FRMD5: variants seen among roughly 807,000 people sequenced by gnomAD.
FRMD5 encodes FERM domain containing 5.
In FRMD5, 20 loss-of-function variants were observed where a neutral mutation model predicts 69.0. The ratio of observed to expected loss-of-function variants is 0.29; its 90% confidence interval spans 0.20 to 0.42. The LOEUF is 0.42. Among genes scored for constraint, FRMD5 ranks in the 10% least tolerant of loss-of-function variants. The pLI, the probability that FRMD5 is intolerant of heterozygous loss-of-function variation, is 1.00. For missense variants in FRMD5, 595 were observed against 708.6 expected, an observed-to-expected ratio of 0.84 and a Z score of 1.82; for synonymous variants, 271 against 260.1, an observed-to-expected ratio of 1.04 and a Z score of -0.40.
chr15:43,883,672 C>G, intron 13 of FRMD5, 31 bp downstream of exon 13: 2 of 1,506,176 alleles, frequency 1.3e-6, no homozygotes, highest in Non-Finnish European at 1.8e-6. Flanking sequence ...TTGGAGGACC[C>G]CAGTGGTCAC....
chr15:43,968,333 C>T (rs994260105), intron 1 of FRMD5, among the ~76,000 whole-genome samples: 5 of 152,152 alleles, frequency 3.3e-5, no homozygotes, highest in African/African-American at 4.8e-5. Flanking sequence ...TGGAGTATTT[C>T]CTATCTTTAG....
chr15:44,064,705 A>C (rs1204022941), intron 1 of FRMD5, among the ~76,000 whole-genome samples: 1 of 152,366 alleles, frequency 6.6e-6, no homozygotes, highest in East Asian at 1.9e-4. Flanking sequence ...CTGTAGTCTT[A>C]TATTACCTCC....
At chr15:44,026,728 G>A (rs1891444590) in intron 1 of FRMD5, among the ~76,000 whole-genome samples, 1 of 152,192 alleles carries the variant, frequency 6.6e-6, no homozygotes, top group African/African-American at 2.4e-5. Context: ...AAATATATCA[G>A]CAGGGAAATT....
At chr15:43,928,860 G>A (rs1439441126) in intron 1 of FRMD5, among the ~76,000 whole-genome samples, 4 of 152,196 alleles carry the variant, frequency 2.6e-5, no homozygotes, top group Non-Finnish European at 5.9e-5. Context: ...CCAAGCCTGA[G>A]GACATTTATC....
chr15:44,091,444 A>G (rs532770421), intron 1 of FRMD5, among the ~76,000 whole-genome samples: 5 of 152,302 alleles, frequency 3.3e-5, no homozygotes, highest in Admixed American at 2.6e-4. Context: ...CATAACTTAT[A>G]AGTCTCCTTA....
intron 1 of FRMD5, among the ~76,000 whole-genome samples, chr15:43,938,633 TG>T (rs1462954603): frequency 6.6e-6 from 1 of 152,198 alleles, no homozygotes; most frequent in Admixed American, 6.5e-5. Flanking sequence ...TCCTTAGACC[TG>T]GGCACTATTG....
chr15:44,062,456 C>G (rs536530671), intron 1 of FRMD5, among the ~76,000 whole-genome samples: 5 of 152,148 alleles, frequency 3.3e-5, no homozygotes, highest in Admixed American at 3.3e-4. Context: ...TTTAGGAGAC[C>G]AAGGCAGGCG....
At chr15:43,905,495 T>A (rs1595502691) in intron 6 of FRMD5, among the ~76,000 whole-genome samples, 1 of 152,316 alleles carries the variant, frequency 6.6e-6, no homozygotes, top group Admixed American at 6.5e-5. Flanking sequence ...TTTCCCCAGT[T>A]CATGCTTTCC....
chr15:43,969,343 A>G lies in FRMD5; in HGVS notation c.103-45034T>C, dbSNP rs575295780. ...GCGATCCTCCCACCTCAGCCTCCCA[A>G]AGTTTTGCTGGGATTACAGGCATGA... On this transcript the variant is annotated intron_variant, in intron 1 of 13. Transcript: ENST00000417257. 3.9e-5 allele frequency among the ~76,000 whole-genome samples: 6 copies of G among 152,182 alleles called. No homozygotes were observed. In the East Asian group the frequency reaches 1.2e-3, roughly 29 times the overall value.
At chr15:44,169,795 CT>C (rs1227912454) in intron 1 of FRMD5, among the ~76,000 whole-genome samples, 3 of 152,044 alleles carry the variant, frequency 2.0e-5, no homozygotes, top group Non-Finnish European at 4.4e-5. Context: ...CCTGAATATA[CT>C]TTTTAAAAAT....
At chr15:43,939,541 TATTA>T (rs1283058944) in intron 1 of FRMD5, among the ~76,000 whole-genome samples, 1 of 151,514 alleles carries the variant, frequency 6.6e-6, no homozygotes, top group Non-Finnish European at 1.5e-5. Context: ...TGCTCTTTTT[TATTA>T]ATTAATGTAT....
At position 44,000,744 on chromosome 15, in the gene FRMD5, T is replaced by G. The variant is rs1311939805; in HGVS notation, c.103-76435A>C. On this transcript the variant is annotated intron_variant, in intron 1 of 13. Transcript: ENST00000417257. Reference sequence around the variant, plus strand: ...CAAAGTGCTGGGATTACAGGTGTGATCCACTGTACCCTGTGGTAGTTCTAT... The same window carrying G: ...CAAAGTGCTGGGATTACAGGTGTGAGCCACTGTACCCTGTGGTAGTTCTAT... 2.0e-5 allele frequency among the ~76,000 whole-genome samples: 3 copies of G among 152,146 alleles called. No individual in the cohort carries two copies. In the East Asian group the frequency reaches 5.8e-4, roughly 29 times the overall value.
chr15:43,938,240 A>G (rs2089798597), intron 1 of FRMD5, among the ~76,000 whole-genome samples: 1 of 151,838 alleles, frequency 6.6e-6, no homozygotes, highest in Non-Finnish European at 1.5e-5. Flanking sequence ...TCAAAAAAAA[A>G]AAAAAAAAAA....
At chr15:44,028,667 G>C (rs1891545590) in intron 1 of FRMD5, among the ~76,000 whole-genome samples, 1 of 152,188 alleles carries the variant, frequency 6.6e-6, no homozygotes, top group African/African-American at 2.4e-5. Context: ...GGTGCAACCA[G>C]AAGTCAGGGG....
intron 1 of FRMD5, among the ~76,000 whole-genome samples, chr15:44,087,731 AGCT>A (rs1894259460): frequency 8.1e-6 from 1 of 122,886 alleles, no homozygotes; most frequent in African/African-American, 3.0e-5. Flanking sequence ...AGTAAATATC[AGCT>A]GCTATCATCA....
At chr15:43,993,584 T>A (rs1363258667) in intron 1 of FRMD5, among the ~76,000 whole-genome samples, 1 of 152,248 alleles carries the variant, frequency 6.6e-6, no homozygotes, top group Non-Finnish European at 1.5e-5. Flanking sequence ...TGTATATGTC[T>A]GTTAGGTCCA....
At chr15:44,080,324 T>G (rs1315988206) in intron 1 of FRMD5, among the ~76,000 whole-genome samples, 2 of 152,094 alleles carry the variant, frequency 1.3e-5, no homozygotes, top group Non-Finnish European at 2.9e-5. Context: ...TATGGGATTA[T>G]GTACGTATAT....
At chr15:44,169,564 CAGGAA>C (rs2077765742) in intron 1 of FRMD5, among the ~76,000 whole-genome samples, 2 of 152,086 alleles carry the variant, frequency 1.3e-5, no homozygotes, top group African/African-American at 2.4e-5. Context: ...TCTCTCTTTC[CAGGAA>C]ATGTCAGTGG....
intron 1 of FRMD5, among the ~76,000 whole-genome samples, chr15:44,012,824 T>G (rs1890783702): frequency 6.9e-6 from 1 of 144,870 alleles, no homozygotes; most frequent in South Asian, 2.2e-4. Context: ...TGGAGTGCAA[T>G]GGCACAATCT....
Sources: allele counts gnomAD v4.1 joint callset (sites outside exome capture counted in the v4.1 genomes callset), GRCh38; gene constraint gnomAD v4.1.1; transcripts MANE v1.5; gene names NCBI Gene and HGNC (gene_info 2026-07-23, HGNC 2026-07-21).